BOLL: variants seen among roughly 807,000 people sequenced by gnomAD.
BOLL encodes the protein boule RNA binding protein, also known as protein boule-like.
A neutral mutation model predicts 44.4 loss-of-function variants in BOLL; 23 were observed. The ratio of observed to expected loss-of-function variants is 0.52; its 90% CI spans 0.37 to 0.73. The LOEUF (loss-of-function observed/expected upper bound fraction) is 0.73, where lower values mean the gene tolerates loss of function less well. BOLL is among the 30% of genes least tolerant of loss of function. The pLI is 0.00. For synonymous variants in BOLL, 97 were observed against 110.8 expected (o/e 0.88, Z 0.78); for missense variants, 287 against 338.3 (o/e 0.85, Z 1.19).
At chr2:197,768,339 T>TA (rs932058690) in intron 6 of BOLL, among the ~76,000 whole-genome samples, 65 of 151,286 alleles carry the variant, frequency 4.3e-4, no homozygotes, top group East Asian at 7.7e-4. Flanking sequence ...GCAATTCTAA[T>TA]AAAAAAAAGG....
At chr2:197,758,815 T>A in intron 7 of BOLL, 1 of 635,012 alleles carries the variant, frequency 1.6e-6, no homozygotes, top group South Asian at 2.5e-5. Flanking sequence ...TTAAATATAA[T>A]ATAGCAAGAA....
chr2:197,728,928 TA>T (rs1686980604), intron 10 of BOLL, among the ~76,000 whole-genome samples: 2 of 152,190 alleles, frequency 1.3e-5, no homozygotes, highest in Non-Finnish European at 2.9e-5. Flanking sequence ...AGGGGAATAG[TA>T]TTTTTGGCAG....
intron 10 of BOLL, among the ~76,000 whole-genome samples, chr2:197,731,027 TAAAG>T (rs1687142264): frequency 6.6e-6 from 1 of 151,876 alleles, no homozygotes; most frequent in Non-Finnish European, 1.5e-5. Flanking sequence ...GCAAATTGGA[TAAAG>T]AGTCAAGACC....
chr2:197,768,543 A>G (rs377199443), intron 6 of BOLL, among the ~76,000 whole-genome samples: 1 of 151,768 alleles, frequency 6.6e-6, no homozygotes, highest in Non-Finnish European at 1.5e-5. Flanking sequence ...AAAAAGACCC[A>G]CACACATGGA....
intron 7 of BOLL, among the ~76,000 whole-genome samples, chr2:197,758,210 C>G (rs757529682): frequency 6.6e-6 from 1 of 152,146 alleles, no homozygotes; most frequent in Non-Finnish European, 1.5e-5. Context: ...GAATGTCCAT[C>G]GCAGTATCAT....
chr2:197,731,468 C>T (rs1159196785), intron 10 of BOLL, among the ~76,000 whole-genome samples: 11 of 144,432 alleles, frequency 7.6e-5, no homozygotes, highest in African/African-American at 2.1e-4. Context: ...GCAGACCTAA[C>T]AGACATCTAC....
intron 1 of BOLL, among the ~76,000 whole-genome samples, chr2:197,784,452 G>A (rs1281004113): frequency 1.8e-5 from 2 of 110,058 alleles, no homozygotes; most frequent in Non-Finnish European, 3.5e-5. Context: ...ATATATATTT[G>A]AGACAGTCTT....
At chr2:197,735,303 A>C (rs554477309) in intron 10 of BOLL, among the ~76,000 whole-genome samples, 8 of 152,106 alleles carry the variant, frequency 5.3e-5, no homozygotes, top group African/African-American at 1.9e-4. Context: ...CTTGTCCTTA[A>C]GTTTCTAGGA....
At chr2:197,779,159 G>T in intron 2 of BOLL, 93 bp from the exon 3 acceptor site, 1 of 895,576 alleles carries the variant, frequency 1.1e-6, no homozygotes, top group East Asian at 2.6e-5. Context: ...AAAAGTTATA[G>T]ATAAGATGCA....
intron 6 of BOLL, among the ~76,000 whole-genome samples, chr2:197,769,446 C>T (rs970798744): frequency 2.0e-5 from 3 of 151,570 alleles, no homozygotes; most frequent in Non-Finnish European, 3.0e-5. Flanking sequence ...AGTTTATTGG[C>T]GTAGAGCCCT....
Position 197,728,583 on chromosome 2 carries a change from TAAGTA to T in BOLL, c.829-10_829-6del, listed in dbSNP as rs1417085710. 13 of 1,586,496 alleles carry T rather than the reference TAAGTA, an allele frequency of 8.2e-6. No individual in the cohort carries two copies. The highest frequency in any genetic ancestry group is 9.5e-6 in the Non-Finnish European group (11 of 1,156,294). ...ATAATGAATGCTCCACACTGTCTGT[TAAGTA>T]AAGAGAAAATATAGATCAGGAAGAC... On this transcript the variant is annotated splice_region_variant and splice_polypyrimidine_tract_variant and intron_variant, in intron 10 of 10. Transcript: ENST00000392296.
intron 10 of BOLL, 119 bp from the exon 11 acceptor site, chr2:197,728,697 C>G (rs911630666): frequency 2.9e-6 from 2 of 690,804 alleles, no homozygotes; most frequent in African/African-American, 3.7e-5. Context: ...AACCTTGGTA[C>G]CAATTAAATT....
chr2:197,742,341 G>T (rs1035013640), intron 10 of BOLL, among the ~76,000 whole-genome samples: 3 of 152,254 alleles, frequency 2.0e-5, no homozygotes, highest in Non-Finnish European at 2.9e-5. Flanking sequence ...TACAAATCAT[G>T]CTGCTATAAA....
chr2:197,765,139 A>G (rs943283798), intron 7 of BOLL, among the ~76,000 whole-genome samples: 3 of 152,088 alleles, frequency 2.0e-5, no homozygotes, highest in Admixed American at 1.3e-4. Flanking sequence ...ATGAGTATGC[A>G]AAGGCATAAG....
intron 9 of BOLL, among the ~76,000 whole-genome samples, chr2:197,750,428 C>T (rs987708345): frequency 2.6e-5 from 4 of 151,890 alleles, no homozygotes; most frequent in African/African-American, 7.3e-5. Context: ...CACACATAGG[C>T]TCAAAATAAA....
chr2:197,755,023 T>C (rs1475957834), intron 9 of BOLL, among the ~76,000 whole-genome samples: 2 of 152,080 alleles, frequency 1.3e-5, no homozygotes, highest in Non-Finnish European at 2.9e-5. Flanking sequence ...ATATCCATAA[T>C]GTACAAGGAA....
intron 1 of BOLL, among the ~76,000 whole-genome samples, chr2:197,782,466 C>T (rs2106396495): frequency 6.6e-6 from 1 of 152,306 alleles, no homozygotes; most frequent in Non-Finnish European, 1.5e-5. Flanking sequence ...ATAGTTTTAG[C>T]CTCGATCCAT....
In BOLL at chr2:197,756,424, A is replaced by T. The variant is rs1287997499; in HGVS notation, c.729+4T>A. On this transcript the variant is annotated splice_donor_region_variant and intron_variant, in intron 9 of 10. Transcript: ENST00000392296. ...AGATCAATTACTTTAAGACTAATAC[A>T]TACCTCTGGAACTGAAGTTTCCATC... 1.2e-6 allele frequency: 2 copies of T among 1,602,302 alleles called. No individual in the cohort carries two copies. The highest frequency in any genetic ancestry group is 1.7e-6 in the Non-Finnish European group (2 of 1,174,364).
intron 3 of BOLL, among the ~76,000 whole-genome samples, chr2:197,777,815 ATAACT>A (rs1283946388): frequency 1.3e-5 from 2 of 151,938 alleles, no homozygotes; most frequent in African/African-American, 2.4e-5. Context: ...TGCTATTTAG[ATAACT>A]TAAGTAAACT....
Sources: gnomAD v4.1 joint callset for allele counts (sites outside exome capture counted in the v4.1 genomes callset) on GRCh38, gnomAD v4.1.1 for gene constraint, MANE v1.5 for transcripts, NCBI Gene and HGNC (gene_info 2026-07-23, HGNC 2026-07-21) for gene names.